Variants in IL12RB2 observed in about 807,000 individuals in gnomAD.
IL12RB2 encodes the protein interleukin-12 receptor subunit beta-2.
In IL12RB2, 82 loss-of-function variants were observed where a neutral mutation model predicts 89.4. That is an observed-to-expected ratio of 0.92 (90% CI 0.77 to 1.10). The LOEUF (loss-of-function observed/expected upper bound fraction) is 1.10. Among genes scored for constraint, IL12RB2 ranks in the 50% least tolerant of loss-of-function variants. The probability of loss-of-function intolerance (pLI) is 0.00; values close to 1 mark genes in which losing one functional copy is unlikely to be tolerated. For synonymous variants in IL12RB2, 368 were observed against 370.1 expected, an observed-to-expected ratio of 0.99 and a Z score of 0.07; for missense variants, 963 against 1,031.9, an observed-to-expected ratio of 0.93 and a Z score of 0.92.
chr1:67,343,220 T>G (rs1430934112), intron 9 of IL12RB2, among the ~76,000 whole-genome samples: 1 of 150,890 alleles, frequency 6.6e-6, no homozygotes, highest in Non-Finnish European at 1.5e-5. Flanking sequence ...CCCAAGTAGC[T>G]GAGACTACAG....
chr1:67,372,740 A>G lies in IL12RB2; in HGVS notation c.1674A>G (p.Ile558Met). Residue 558 changes from isoleucine to methionine, a missense_variant, in exon 13 of 17, where the codon ATA becomes ATG. Ile to Met is a conservative substitution (Grantham distance 10). Coordinates refer to ENST00000674203, the MANE Select transcript of IL12RB2 (RefSeq NM_001374259.2). ...TGGGCTGCCTCCTCCATTATAGGAT[A>G]TACTGGAAGGAACGGGACTCCAACT... The part of the protein sequence containing the change: ...EQMGCLLHYR[I>M]YWKERDSNSQ... The G allele has an allele frequency of 6.2e-7, 1 of 1,608,622 alleles. No individual in the cohort carries two copies.
At chr1:67,390,758 G>C (rs1665725222) in intron 16 of IL12RB2, among the ~76,000 whole-genome samples, 1 of 152,168 alleles carries the variant, frequency 6.6e-6, no homozygotes, top group Admixed American at 6.5e-5. Flanking sequence ...GCCATCCCTG[G>C]TGGAGGGTCT....
intron 9 of IL12RB2, among the ~76,000 whole-genome samples, chr1:67,349,173 G>A (rs1660558412): frequency 6.6e-6 from 1 of 152,178 alleles, no homozygotes; most frequent in South Asian, 2.1e-4. Flanking sequence ...TTTCTGGGAT[G>A]TCTATGAAGG....
At chr1:67,314,425 T>C (rs1056770640) in intron 2 of IL12RB2, among the ~76,000 whole-genome samples, 2 of 152,184 alleles carry the variant, frequency 1.3e-5, no homozygotes, top group Non-Finnish European at 2.9e-5. Context: ...CACCATGGAC[T>C]GTTCACAATA....
In IL12RB2 at chr1:67,372,704, C is replaced by A; in HGVS notation, c.1638C>A (p.Val546=). The A allele has an allele frequency of 6.2e-7, 1 of 1,607,036 alleles. No homozygotes were observed. The highest frequency in any genetic ancestry group is 8.5e-7 in the Non-Finnish European group (1 of 1,173,536). ...SILISWNSIP[V]QEQMGCLLHY... is the part of the protein sequence containing the mutation. ...TAATTTCATGGAACAGCATTCCAGT[C>A]CAGGAGCAAATGGGCTGCCTCCTCC... The change falls in exon 13 of 17, where the codon GTC becomes GTA. Residue 546 remains valine (V), a synonymous_variant. Transcript: ENST00000674203.
chr1:67,395,695 G>A lies in IL12RB2; in HGVS notation c.2195G>A (p.Gly732Glu), dbSNP rs1343980114. The A allele has an allele frequency of 6.2e-7, 1 of 1,614,176 alleles. No homozygotes were observed. The change falls in exon 17 of 17, where the codon GGA (glycine) becomes GAA (glutamate). Residue 732 changes from glycine to glutamate, a missense_variant. Transcript: ENST00000674203. ...PCSNWPQREK[G>E]IQGHQASEKD... ...TCCAACTGGCCACAAAGGGAAAAAG[G>A]AATCCAAGGTCATCAGGCCTCTGAG... is the stretch of plus-strand genomic sequence containing the variant.
chr1:67,352,892 C>T (rs138084117), intron 10 of IL12RB2, among the ~76,000 whole-genome samples: 10 of 152,274 alleles, frequency 6.6e-5, no homozygotes, highest in African/African-American at 2.2e-4. Context: ...TACTCTTGTA[C>T]ACGCTAGTGA....
intron 9 of IL12RB2, among the ~76,000 whole-genome samples, chr1:67,339,812 C>T (rs4459079): frequency 6.6e-6 from 1 of 152,308 alleles, no homozygotes; most frequent in South Asian, 2.1e-4. Flanking sequence ...GAGCACAGAC[C>T]TGAGACTGAA....
chr1:67,386,630 T>C lies in IL12RB2; in HGVS notation c.1907T>C (p.Ile636Thr). The C allele has an allele frequency of 6.2e-7, 1 of 1,613,688 alleles. No homozygotes were observed. Among genetic ancestry groups the C allele is most frequent in the Non-Finnish European group, 8.5e-7 (1 of 1,179,724 alleles). The change falls in exon 15 of 17, where the codon ATC becomes ACC. Residue 636 changes from isoleucine (I) to threonine (T), a missense_variant. By Grantham distance (89) the Ile-to-Thr change is moderately conservative. Coordinates refer to ENST00000674203, the MANE Select transcript of IL12RB2 (RefSeq NM_001374259.2). ...FVAPSICIAI[I>T]MVGIFSTHYF... ...GCACCAAGCATTTGCATTGCTATCA[T>C]CATGGTGGGCATTTTCTCAACGCAT...
chr1:67,315,008 T>A (rs1655583932), intron 2 of IL12RB2, among the ~76,000 whole-genome samples: 6 of 152,164 alleles, frequency 3.9e-5, no homozygotes, highest in Admixed American at 3.9e-4. Flanking sequence ...TTACAGTAGG[T>A]TTCATTTTAT....
chr1:67,326,943 T>TTTTATTTTA (rs1553310360), intron 5 of IL12RB2, 94 bp downstream of exon 5: 2 of 689,502 alleles, frequency 2.9e-6, no homozygotes, highest in Admixed American at 5.8e-5. Flanking sequence ...TTTTATTTTA[T>TTTTATTTTA]TTTATTTATT....
intron 9 of IL12RB2, among the ~76,000 whole-genome samples, chr1:67,341,529 G>GAGAAAGAAAGAAAGAA (rs200463047): frequency 7.4e-4 from 82 of 110,692 alleles, no homozygotes; most frequent in African/African-American, 1.8e-3. Flanking sequence ...AAAAAAGAAA[G>GAGAAAGAAAGAAAGAA]AGAAAGAAAG....
intron 13 of IL12RB2, among the ~76,000 whole-genome samples, chr1:67,374,777 C>CTTT (rs35122967): frequency 0.01 from 565 of 53,868 alleles, 9 homozygotes; most frequent in African/African-American, 0.021. Context: ...AGCCCAGCCT[C>CTTT]TTTTTTTTTT....
chr1:67,342,623 C>T (rs986683943), intron 9 of IL12RB2, among the ~76,000 whole-genome samples: 14 of 151,888 alleles, frequency 9.2e-5, no homozygotes, highest in African/African-American at 3.4e-4. Flanking sequence ...GTGCATGTGT[C>T]AGTGTGTGAG....
intron 10 of IL12RB2, among the ~76,000 whole-genome samples, chr1:67,365,430 T>C (rs1331564090): frequency 6.6e-6 from 1 of 151,940 alleles, no homozygotes; most frequent in African/African-American, 2.4e-5. Flanking sequence ...AGGATGAAAA[T>C]TACCAATATC....
Position 67,398,370 on chromosome 1 carries a change from C to T in IL12RB2, c.*2281C>T, listed in dbSNP as rs889638426. Among the ~76,000 whole-genome samples, 22 of 151,920 alleles carry T rather than the reference C, an allele frequency of 1.4e-4. No homozygotes were observed. Among genetic ancestry groups the T allele is most frequent in the Non-Finnish European group, 2.6e-4 (18 of 67,982 alleles). On this transcript the variant is annotated 3_prime_UTR_variant, in exon 17 of 17. Transcript: ENST00000674203. ...GGTTTCCTTTTGATTATCTCTCATC[C>T]ATCTCAGCCACTATTCTCCTCCCCT... is the stretch of plus-strand genomic sequence containing the variant.
chr1:67,315,237 CAT>C (rs1488353411), intron 2 of IL12RB2, among the ~76,000 whole-genome samples: 3 of 151,844 alleles, frequency 2.0e-5, no homozygotes, highest in Non-Finnish European at 4.4e-5. Flanking sequence ...AATAATAGGA[CAT>C]AATATATATG....
At chr1:67,381,103 A>G (rs759787855) in intron 14 of IL12RB2, among the ~76,000 whole-genome samples, 14 of 152,332 alleles carry the variant, frequency 9.2e-5, no homozygotes, top group Non-Finnish European at 1.6e-4. Context: ...TATGAAATGA[A>G]TTTAAAAATG....
intron 8 of IL12RB2, among the ~76,000 whole-genome samples, chr1:67,338,048 C>A (rs17129811): frequency 0.02 from 3,008 of 151,542 alleles, 42 homozygotes; most frequent in Non-Finnish European, 0.031. Context: ...AAGTTAAGGC[C>A]GGGTGCAGTG....
Sources: allele counts gnomAD v4.1 joint callset (sites outside exome capture counted in the v4.1 genomes callset), GRCh38; gene constraint gnomAD v4.1.1; transcripts MANE v1.5; gene names NCBI Gene and HGNC (gene_info 2026-07-23, HGNC 2026-07-21).